Variants in ETS1 observed in about 807,000 individuals in gnomAD.
The protein encoded by ETS1 is protein C-ets-1.
ETS1 carries 15 observed loss-of-function variants against 58.6 expected under a neutral mutation model. The ratio of observed to expected loss-of-function variants is 0.26; its 90% CI spans 0.17 to 0.39. ETS1 has a LOEUF of 0.39. ETS1 is among the 10% of genes least tolerant of loss of function. The probability of loss-of-function intolerance (pLI) is 1.00; values close to 1 mark genes in which losing one functional copy is unlikely to be tolerated. For synonymous variants in ETS1, 214 were observed against 218.2 expected, an observed-to-expected ratio of 0.98 and a Z score of 0.17; for missense variants, 417 against 610.5, an observed-to-expected ratio of 0.68 and a Z score of 3.34.
chr11:128,563,369 A>G (rs1166733205), intron 2 of ETS1, among the ~76,000 whole-genome samples: 3 of 152,232 alleles, frequency 2.0e-5, no homozygotes, highest in African/African-American at 7.2e-5. Context: ...TTATTTTTCT[A>G]GGAATGTCAT....
At chr11:128,583,443 G>C (rs903915619) in intron 1 of ETS1, among the ~76,000 whole-genome samples, 4 of 152,116 alleles carry the variant, frequency 2.6e-5, no homozygotes, top group African/African-American at 9.7e-5. Context: ...AACTGGCAAT[G>C]GTGCTTTCTC....
intron 1 of ETS1, among the ~76,000 whole-genome samples, chr11:128,580,652 A>T (rs1864847735): frequency 6.6e-6 from 1 of 152,202 alleles, no homozygotes; most frequent in Non-Finnish European, 1.5e-5. Flanking sequence ...TCTTATTTTA[A>T]GTAGCCAGCA....
intron 3 of ETS1, among the ~76,000 whole-genome samples, chr11:128,539,882 C>T (rs1484363569): frequency 6.6e-6 from 1 of 152,134 alleles, no homozygotes; most frequent in Non-Finnish European, 1.5e-5. Context: ...TATTATATAA[C>T]TCTACTTATG....
Position 128,462,147 on chromosome 11 carries a change from G to C in ETS1, c.*214C>G. The C allele has an allele frequency of 1.9e-6, 1 of 519,644 alleles. No individual in the cohort carries two copies. 32.2% of individuals were successfully genotyped at this position (519,644 alleles called of 1,614,324 possible). On this transcript the variant is annotated 3_prime_UTR_variant, in exon 10 of 10. Transcript: ENST00000392668. ...CTCCCTCTCCTGAAAATTTGCTCAA[G>C]AATTTCTGGTCCCACCCACCCCACA...
chr11:128,460,071 A>AAT lies in ETS1; in HGVS notation c.*2289_*2290insAT, dbSNP rs1565360308. ...TCAGCTGCAGTTTTGCATGTCTGCAAACACACACACACACACACACACACA... is the reference window on the plus strand; with the variant it reads ...TCAGCTGCAGTTTTGCATGTCTGCAAATACACACACACACACACACACACACA... On this transcript the variant is annotated 3_prime_UTR_variant, in exon 10 of 10. Coordinates refer to ENST00000392668, the MANE Select transcript of ETS1 (RefSeq NM_001143820.2). 1 of 22,738 alleles carries AAT rather than the reference A, an allele frequency of 4.4e-5. No homozygotes were observed. Among genetic ancestry groups the AAT allele is most frequent in the East Asian group, 1.4e-3 (1 of 702 alleles). 1.4% of individuals were successfully genotyped at this position (22,738 alleles called of 1,614,324 possible).
chr11:128,465,555 C>T (rs1862011229), intron 8 of ETS1, among the ~76,000 whole-genome samples: 2 of 152,132 alleles, frequency 1.3e-5, no homozygotes, highest in East Asian at 3.9e-4. Flanking sequence ...AACAGCAAAT[C>T]GCTCTCAAGA....
intron 3 of ETS1, among the ~76,000 whole-genome samples, chr11:128,551,774 A>T (rs1444192619): frequency 6.6e-6 from 1 of 152,174 alleles, no homozygotes; most frequent in Admixed American, 6.5e-5. Flanking sequence ...CCCAAAATGC[A>T]CTTTGGGTCA....
intron 8 of ETS1, among the ~76,000 whole-genome samples, chr11:128,469,342 G>A (rs1669917125): frequency 6.6e-6 from 1 of 152,208 alleles, no homozygotes; most frequent in African/African-American, 2.4e-5. Context: ...CTAAAACAGA[G>A]GAACAGGCCT....
Position 128,525,844 on chromosome 11 carries a change from A to T in ETS1, c.214+30447T>A, listed in dbSNP as rs1371244789. On this transcript the variant is annotated intron_variant, in intron 3 of 9. Transcript: ENST00000392668. ...CACTTCAATATCTACATTATCAAGC[A>T]GCAATAAAATGGAAAATTAGAGATA... Among the ~76,000 whole-genome samples, 2 of 152,190 alleles carry T rather than the reference A, an allele frequency of 1.3e-5. 1 individual carries two copies. The highest frequency in any genetic ancestry group is 4.1e-4 in the South Asian group (2 of 4,832).
chr11:128,465,650 A>G (rs1188953297), intron 8 of ETS1, among the ~76,000 whole-genome samples: 2 of 152,236 alleles, frequency 1.3e-5, no homozygotes, highest in Non-Finnish European at 2.9e-5. Flanking sequence ...AGACATGAAG[A>G]AAACCATTCT....
intron 2 of ETS1, among the ~76,000 whole-genome samples, chr11:128,566,828 C>T (rs898267885): frequency 6.6e-6 from 1 of 151,934 alleles, no homozygotes; most frequent in African/African-American, 2.4e-5. Flanking sequence ...AGAATTTACT[C>T]CAGGTCTTTC....
intron 3 of ETS1, among the ~76,000 whole-genome samples, chr11:128,513,371 G>C (rs1425072807): frequency 6.6e-6 from 1 of 152,168 alleles, no homozygotes; most frequent in Non-Finnish European, 1.5e-5. Context: ...AAAATGAGGT[G>C]CATAAAAATG....
intron 3 of ETS1, among the ~76,000 whole-genome samples, chr11:128,545,836 A>G (rs537602943): frequency 8.7e-4 from 133 of 152,390 alleles, no homozygotes; most frequent in African/African-American, 3.1e-3. Context: ...AAAATGTGGC[A>G]TCATGGTGGT....
chr11:128,487,085 T>C (rs1318014117), intron 5 of ETS1, among the ~76,000 whole-genome samples: 2 of 152,204 alleles, frequency 1.3e-5, no homozygotes, highest in African/African-American at 4.8e-5. Flanking sequence ...GTTTATCAGA[T>C]TGAAACATCC....
chr11:128,557,063 G>A (rs1357490312), intron 2 of ETS1, among the ~76,000 whole-genome samples: 1 of 152,186 alleles, frequency 6.6e-6, no homozygotes, highest in Non-Finnish European at 1.5e-5. Flanking sequence ...AAGGAAGACA[G>A]ATGTGCTGTG....
At chr11:128,535,507 T>C (rs1863960475) in intron 3 of ETS1, among the ~76,000 whole-genome samples, 1 of 152,314 alleles carries the variant, frequency 6.6e-6, no homozygotes, top group Non-Finnish European at 1.5e-5. Context: ...TGCCCGTGCC[T>C]GAATGGTATT....
At position 128,573,092 on chromosome 11, in the gene ETS1, G is replaced by T; in HGVS notation, c.39C>A (p.Val13=). Residue 13 remains valine, a synonymous_variant, in exon 2 of 10, where the codon GTC becomes GTA. Coordinates refer to ENST00000392668, the MANE Select transcript of ETS1 (RefSeq NM_001143820.2). ...CTGCAGGACGAGGCGCTGAGTAAGGGACGGGGCTGCTCCCAGCAGAATCCA... is the reference window on the plus strand; with the variant it reads ...CTGCAGGACGAGGCGCTGAGTAAGGTACGGGGCTGCTCCCAGCAGAATCCA... ...YFVDSAGSSP[V]PYSAPRPAVV... is the part of the protein sequence containing the mutation. 1.2e-6 allele frequency: 2 copies of T among 1,603,420 alleles called. No individual in the cohort carries two copies. Among genetic ancestry groups the T allele is most frequent in the Non-Finnish European group, 1.7e-6 (2 of 1,175,074 alleles).
chr11:128,534,655 T>A (rs1591647977), intron 3 of ETS1, among the ~76,000 whole-genome samples: 1 of 152,184 alleles, frequency 6.6e-6, no homozygotes, highest in East Asian at 1.9e-4. Context: ...CAACTCCCAC[T>A]GATAAGTAAG....
At chr11:128,512,100 G>A (rs1162131057) in intron 3 of ETS1, among the ~76,000 whole-genome samples, 2 of 152,146 alleles carry the variant, frequency 1.3e-5, no homozygotes, top group Non-Finnish European at 2.9e-5. Flanking sequence ...CAACAGACAT[G>A]GAATTTTCAA....
Sources: gnomAD v4.1 joint callset for allele counts (sites outside exome capture counted in the v4.1 genomes callset) on GRCh38, gnomAD v4.1.1 for gene constraint, MANE v1.5 for transcripts, NCBI Gene and HGNC (gene_info 2026-07-23, HGNC 2026-07-21) for gene names.